The following RCN2 variants were observed in gnomAD, a reference collection of about 807,000 sequenced individuals.
RCN2 encodes reticulocalbin 2.
In RCN2, 23 loss-of-function variants were observed where a neutral mutation model predicts 37.5. The observed-to-expected ratio is 0.61, with a 90% CI of 0.44 to 0.87. The LOEUF is 0.87. Ranked by LOEUF, RCN2 falls within the 40% of genes least tolerant of loss-of-function variation. The probability of loss-of-function intolerance (pLI) is 0.00; values close to 1 mark genes in which losing one functional copy is unlikely to be tolerated. For missense variants in RCN2, 381 were observed against 390.4 expected (o/e 0.98, Z 0.20); for synonymous variants, 140 against 144.6 (o/e 0.97, Z 0.23).
intron 3 of RCN2, among the ~76,000 whole-genome samples, chr15:76,937,595 A>G (rs1009378862): frequency 8.6e-5 from 13 of 151,982 alleles, no homozygotes; most frequent in African/African-American, 3.1e-4. Context: ...TTTTGTAGAG[A>G]TGGGGTTTTA....
At chr15:76,932,516 A>T in intron 2 of RCN2, 50 bp downstream of exon 2, 1 of 1,263,832 alleles carries the variant, frequency 7.9e-7, no homozygotes, top group Non-Finnish European at 1.1e-6. Context: ...CAAATATGTT[A>T]AGCAGCGGTG....
chr15:76,952,599 C>G lies in RCN2; in HGVS notation c.*3377C>G, dbSNP rs1468350536. On this transcript the variant is annotated 3_prime_UTR_variant, in exon 7 of 7. Coordinates refer to ENST00000394885, the MANE Select transcript of RCN2 (RefSeq NM_002902.3). ...ACAATAAAGCCCCCTTTCCCCTTCC[C>G]TTCAGCACCTGGCAAACACCATTCT... 1 of 152,224 alleles carries G rather than the reference C, an allele frequency of 6.6e-6. No individual in the cohort carries two copies. Among genetic ancestry groups the G allele is most frequent in the Non-Finnish European group, 1.5e-5 (1 of 68,082 alleles). The allele number at this position is 152,224 out of a possible 1,614,324, so 9.4% of individuals were successfully genotyped here. A position where few individuals can be genotyped will look rare whatever the true frequency, so the allele number is the denominator to read the frequency against.
At position 76,950,667 on chromosome 15, in the gene RCN2, G is replaced by A. The variant is rs1401813820; in HGVS notation, c.*1445G>A. The A allele has an allele frequency of 2.6e-5, 4 of 152,184 alleles. No individual in the cohort carries two copies. The highest frequency in any genetic ancestry group is 9.7e-5 in the African/African-American group (4 of 41,436). 9.4% of individuals were successfully genotyped at this position (152,184 alleles called of 1,614,324 possible). ...GCCTCCCAAGGTGCTGGAATTACAGGCGTGAGCCAACGCGCACGGCCTCTA... is the reference window on the plus strand; with the variant it reads ...GCCTCCCAAGGTGCTGGAATTACAGACGTGAGCCAACGCGCACGGCCTCTA... On this transcript the variant is annotated 3_prime_UTR_variant, in exon 7 of 7. Transcript: ENST00000394885.
chr15:76,935,459 T>C, intron 2 of RCN2, 67 bp from the exon 3 acceptor site: 1 of 1,312,068 alleles, frequency 7.6e-7, no homozygotes, highest in Non-Finnish European at 1.1e-6. Flanking sequence ...AGAGAAGGTT[T>C]GGAAATCCTT....
chr15:76,935,279 C>G (rs548381455), intron 2 of RCN2, among the ~76,000 whole-genome samples: 74 of 152,230 alleles, frequency 4.9e-4, no homozygotes, highest in African/African-American at 1.8e-3. Context: ...GCTGAGATCG[C>G]ACCACTGCAC....
Position 76,932,443 on chromosome 15 carries a change from A to C in RCN2, c.227A>C (p.Asp76Ala). The change falls in exon 2 of 7, where the codon GAC (aspartate) becomes GCC (alanine). Residue 76 changes from aspartate to alanine, a missense_variant. Coordinates refer to ENST00000394885, the MANE Select transcript of RCN2 (RefSeq NM_002902.3). ...GCGATCATAAAGAAAATCGACTTGG[A>C]CTCAGATGGCTTTCTCACTGAAAGT... ...LQAIIKKIDL[D>A]SDGFLTESEL... 6.2e-7 allele frequency: 1 copy of C among 1,613,286 alleles called. No homozygotes were observed. Among genetic ancestry groups the C allele is most frequent in the African/African-American group, 1.3e-5 (1 of 75,002 alleles).
In RCN2 at chr15:76,931,786, G is replaced by A; in HGVS notation, c.-56G>A. ...GCCCGCGGAGCATCGCAGCCGGCCC[G>A]GGCCCCCGCCAGCCTCCCTCCTCGC... On this transcript the variant is annotated 5_prime_UTR_variant, in exon 1 of 7. Transcript: ENST00000394885. The A allele has an allele frequency of 3.4e-6, 4 of 1,185,622 alleles. No individual in the cohort carries two copies. The highest frequency in any genetic ancestry group is 4.2e-6 in the Non-Finnish European group (4 of 956,318). The allele number at this position is 1,185,622 out of a possible 1,614,324, so 73.4% of individuals were successfully genotyped here.
In RCN2 at chr15:76,949,259, T is replaced by C; in HGVS notation, c.*37T>C. 7.3e-7 allele frequency: 1 copy of C among 1,373,186 alleles called. No homozygotes were observed. The highest frequency in any genetic ancestry group is 9.8e-7 in the Non-Finnish European group (1 of 1,025,618). The allele number at this position is 1,373,186 out of a possible 1,614,324, so 85.1% of individuals were successfully genotyped here. A position where few individuals can be genotyped will look rare whatever the true frequency, so the allele number is the denominator to read the frequency against. The stretch of plus-strand genomic sequence containing the variant: ...GTCTCAGTAGAGTACTGGCTCCTTT[T>C]ATAATTTGTTACCAGCTTTACTTTT... On this transcript the variant is annotated 3_prime_UTR_variant, in exon 7 of 7. Transcript: ENST00000394885.
In RCN2 at chr15:76,953,348, C is replaced by T. The variant is rs944541574; in HGVS notation, c.*4126C>T. ...CCCATATTGTTACCAGAATTTCTTT[C>T]GTCAGGCTGAACAATACTTTATTGT... On this transcript the variant is annotated 3_prime_UTR_variant, in exon 7 of 7. Transcript: ENST00000394885. 4.0e-5 allele frequency: 6 copies of T among 151,788 alleles called. No individual in the cohort carries two copies. Among genetic ancestry groups the T allele is most frequent in the East Asian group, 1.9e-4 (1 of 5,180 alleles). 9.4% of individuals were successfully genotyped at this position (151,788 alleles called of 1,614,324 possible). A position where few individuals can be genotyped will look rare whatever the true frequency, so the allele number is the denominator to read the frequency against.
rs2075326007 is a variant in RCN2, at chr15:76,952,471, T to C, written c.*3249T>C. ...AATTCATCTTAACAGTTTTTAATTG[T>C]ACAGTTCGGTGGTATGGTATTAAAT... On this transcript the variant is annotated 3_prime_UTR_variant, in exon 7 of 7. Coordinates refer to ENST00000394885, the MANE Select transcript of RCN2 (RefSeq NM_002902.3). The C allele has an allele frequency of 6.6e-6, 1 of 152,244 alleles. No homozygotes were observed. Among genetic ancestry groups the C allele is most frequent in the Non-Finnish European group, 1.5e-5 (1 of 68,042 alleles). The allele number at this position is 152,244 out of a possible 1,614,324, so 9.4% of individuals were successfully genotyped here.
intron 4 of RCN2, among the ~76,000 whole-genome samples, 184 bp downstream of exon 4, chr15:76,944,055 C>T (rs1343443257): frequency 2.4e-5 from 3 of 124,186 alleles, no homozygotes; most frequent in Admixed American, 1.1e-4. Context: ...TGCAGTGGGG[C>T]GATCTCGGCT....
In RCN2 at chr15:76,948,423, T is replaced by C; in HGVS notation, c.672T>C (p.Asp224=). 1 of 1,601,666 alleles carries C rather than the reference T, an allele frequency of 6.2e-7. No individual in the cohort carries two copies. The highest frequency in any genetic ancestry group is 1.3e-5 in the African/African-American group (1 of 74,638). ...DYRWDPTANE[D]PEWILVEKDR... Reference sequence around the variant, plus strand: ...TTTTATATTAAGCTGCAAATGAAGATCCAGAATGGATACTTGTTGAGAAAG... The same window carrying C: ...TTTTATATTAAGCTGCAAATGAAGACCCAGAATGGATACTTGTTGAGAAAG... The change falls in exon 6 of 7, where the codon GAT becomes GAC. Residue 224 remains aspartate (D), a synonymous_variant. Transcript: ENST00000394885.
At chr15:76,943,692 T>G in intron 3 of RCN2, 66 bp from the exon 4 acceptor site, 1 of 836,832 alleles carries the variant, frequency 1.2e-6, no homozygotes, top group Non-Finnish European at 2.0e-6. Flanking sequence ...AAATTTCACA[T>G]AGTTTGTATT....
chr15:76,938,854 C>G (rs532947857), intron 3 of RCN2: 2 of 440,710 alleles, frequency 4.5e-6, no homozygotes, highest in Non-Finnish European at 9.3e-6. Context: ...GTTTCCTCAT[C>G]TCCAAAAATG....
intron 4 of RCN2, among the ~76,000 whole-genome samples, chr15:76,944,458 AATAG>A (rs1341542547): frequency 6.6e-6 from 1 of 152,132 alleles, no homozygotes; most frequent in Non-Finnish European, 1.5e-5. Context: ...GCTGTCAAAT[AATAG>A]ATCTTATTCA....
At chr15:76,937,737 A>G (rs1237849488) in intron 3 of RCN2, among the ~76,000 whole-genome samples, 1 of 152,178 alleles carries the variant, frequency 6.6e-6, no homozygotes, top group African/African-American at 2.4e-5. Flanking sequence ...AAAATTTAGT[A>G]TCTGTGTGAG....
At chr15:76,943,124 T>G (rs937693747) in intron 3 of RCN2, 7 of 152,236 alleles carry the variant, frequency 4.6e-5, no homozygotes, top group Admixed American at 1.3e-4. Context: ...AAGTTATTGA[T>G]TTTTGGGCAT....
intron 3 of RCN2, among the ~76,000 whole-genome samples, chr15:76,936,260 T>C (rs2075247247): frequency 6.6e-6 from 1 of 152,174 alleles, no homozygotes; most frequent in African/African-American, 2.4e-5. Context: ...TAACAATGAT[T>C]TATTTCTCAT....
intron 2 of RCN2, 116 bp downstream of exon 2, chr15:76,932,582 A>G (rs1208334521): frequency 2.8e-6 from 2 of 713,450 alleles, no homozygotes; most frequent in African/African-American, 1.8e-5. Flanking sequence ...TGAGAAGGAG[A>G]AAAGGACATG....
Sources: allele counts gnomAD v4.1 joint callset (sites outside exome capture counted in the v4.1 genomes callset), GRCh38; gene constraint gnomAD v4.1.1; transcripts MANE v1.5; gene names NCBI Gene and HGNC (gene_info 2026-07-23, HGNC 2026-07-21).